Variants in ARNT observed in about 807,000 individuals in gnomAD.
The protein encoded by ARNT is aryl hydrocarbon receptor nuclear translocator, also known as class E basic helix-loop-helix protein 2.
A neutral mutation model predicts 105.0 loss-of-function variants in ARNT; 30 were observed. The ratio of observed to expected loss-of-function variants is 0.29; its 90% CI spans 0.21 to 0.39. The LOEUF is 0.39. Among genes scored for constraint, ARNT ranks in the 10% least tolerant of loss-of-function variants. ARNT has a pLI of 1.00. For missense variants in ARNT, 748 were observed against 978.7 expected (o/e 0.76, Z 3.15); for synonymous variants, 304 against 344.0 (o/e 0.88, Z 1.29).
chr1:150,847,875 C>T (rs1662537863), intron 3 of ARNT, among the ~76,000 whole-genome samples: 1 of 152,088 alleles, frequency 6.6e-6, no homozygotes, highest in East Asian at 1.9e-4. Context: ...TTTATGATGG[C>T]CAAGTCACGG....
chr1:150,831,508 T>C, intron 10 of ARNT: 1 of 248,572 alleles, frequency 4.0e-6, no homozygotes, highest in African/African-American at 2.3e-5. Context: ...ATTAACTGCA[T>C]TCAATGTCTA....
In ARNT at chr1:150,826,601, T is replaced by C. The variant is rs1244188089; in HGVS notation, c.1184A>G (p.Asn395Ser). The C allele has an allele frequency of 1.9e-6, 3 of 1,612,392 alleles. No homozygotes were observed. Among genetic ancestry groups the C allele is most frequent in the Admixed American group, 1.7e-5 (1 of 59,988 alleles). Residue 395 changes from asparagine to serine, a missense_variant, in exon 13 of 22, where the codon AAT (asparagine) becomes AGT (serine). This residue lies in a region of ARNT where 291 missense variants were observed against 444.6 expected (regional missense o/e 0.65). Transcript: ENST00000358595. ...GYQPQELLGKNIVEFCHPEDQ... is the reference protein window; with the variant it reads ...GYQPQELLGKSIVEFCHPEDQ... ...TTCAGGATGACAGAATTCTACAATA[T>C]TCTTTCCTAAGAGTTCCTAGAATAC...
intron 18 of ARNT, 42 bp from the exon 19 acceptor site, chr1:150,816,448 T>C (rs1187586875): frequency 6.3e-7 from 1 of 1,583,090 alleles, no homozygotes; most frequent in Admixed American, 1.9e-5. Context: ...AAGGATAGAT[T>C]TATCACAGAA....
chr1:150,852,911 G>A, intron 2 of ARNT, 105 bp from the exon 3 acceptor site: 4 of 1,364,232 alleles, frequency 2.9e-6, no homozygotes, highest in Non-Finnish European at 4.1e-6. Context: ...CCAAATGGAA[G>A]AATGGAAAGA....
At chr1:150,825,018 T>C (rs1400382596) in intron 13 of ARNT, among the ~76,000 whole-genome samples, 1 of 151,868 alleles carries the variant, frequency 6.6e-6, no homozygotes, top group Non-Finnish European at 1.5e-5. Context: ...TGAGCCACCA[T>C]ACCCGGCTAA....
intron 1 of ARNT, among the ~76,000 whole-genome samples, chr1:150,867,523 T>C (rs1221820314): frequency 6.6e-6 from 1 of 151,988 alleles, no homozygotes; most frequent in Non-Finnish European, 1.5e-5. Flanking sequence ...TGTCTCAACT[T>C]TAAAAGAAAA....
At chr1:150,816,511 GC>G in intron 18 of ARNT, 105 bp from the exon 19 acceptor site, 8 of 1,331,618 alleles carry the variant, frequency 6.0e-6, no homozygotes, top group Non-Finnish European at 8.0e-6. Context: ...TTGACTTCCT[GC>G]AGGTTAAGGA....
chr1:150,810,634 A>T lies in ARNT; in HGVS notation c.*1387T>A. On this transcript the variant is annotated 3_prime_UTR_variant, in exon 22 of 22. Transcript: ENST00000358595. ...TTAGCTACTGGCCAAAGCCAATTTA[A>T]AAAAAAAAAAAAAAAAGCTGGTATC... The T allele has an allele frequency of 6.4e-6, 1 of 156,066 alleles. No homozygotes were observed. Among genetic ancestry groups the T allele is most frequent in the Non-Finnish European group, 1.3e-5 (1 of 75,798 alleles). 9.7% of individuals were successfully genotyped at this position (156,066 alleles called of 1,614,324 possible). A position where few individuals can be genotyped will look rare whatever the true frequency, so the allele number is the denominator to read the frequency against.
chr1:150,819,166 A>C (rs1656556781), intron 14 of ARNT, among the ~76,000 whole-genome samples: 1 of 152,070 alleles, frequency 6.6e-6, no homozygotes, highest in Non-Finnish European at 1.5e-5. Context: ...ATTCTACAGA[A>C]AGAAAAGATT....
chr1:150,835,824 A>AAAC (rs886136970), intron 7 of ARNT, among the ~76,000 whole-genome samples: 21 of 148,244 alleles, frequency 1.4e-4, no homozygotes, highest in South Asian at 6.5e-4. Context: ...GTACAGATAC[A>AAAC]AACAACAACA....
At chr1:150,846,456 C>A in intron 3 of ARNT, 149 bp from the exon 4 acceptor site, 1 of 715,966 alleles carries the variant, frequency 1.4e-6, no homozygotes. Context: ...CAGCAGCACC[C>A]CATAGAACTT....
rs899076065 is a variant in ARNT at position 150,811,653 on chromosome 1, C to G, written c.*368G>C. 1 of 236,942 alleles carries G rather than the reference C, an allele frequency of 4.2e-6. No individual in the cohort carries two copies. The highest frequency in any genetic ancestry group is 5.6e-5 in the Admixed American group (1 of 17,870). 14.7% of individuals were successfully genotyped at this position (236,942 alleles called of 1,614,324 possible). A position where few individuals can be genotyped will look rare whatever the true frequency, so the allele number is the denominator to read the frequency against. ...CCTCCACTCTCTTCAGAATTTCTTT[C>G]CAAAAACAAGCCATACTATCCAAGG... On this transcript the variant is annotated 3_prime_UTR_variant, in exon 22 of 22. Coordinates refer to ENST00000358595, the MANE Select transcript of ARNT (RefSeq NM_001668.4).
chr1:150,831,948 C>T (rs1423610219), intron 9 of ARNT, 45 bp from the exon 10 acceptor site: 12 of 1,272,090 alleles, frequency 9.4e-6, no homozygotes, highest in Non-Finnish European at 1.3e-5. Context: ...AAAATCTACC[C>T]GTAAAACTCA....
At chr1:150,826,829 T>C (rs1244604473) in intron 12 of ARNT, among the ~76,000 whole-genome samples, 1 of 151,998 alleles carries the variant, frequency 6.6e-6, no homozygotes, top group Non-Finnish European at 1.5e-5. Flanking sequence ...TTTTTTTAAA[T>C]AGAGACAGGG....
chr1:150,852,580 G>A (rs1663829118), intron 3 of ARNT, among the ~76,000 whole-genome samples, 182 bp downstream of exon 3: 1 of 152,012 alleles, frequency 6.6e-6, no homozygotes, highest in Non-Finnish European at 1.5e-5. Flanking sequence ...TCCTCACTGA[G>A]GTCCTTTCTC....
In ARNT at chr1:150,856,700, T is replaced by C. The variant is rs192506126; in HGVS notation, c.137+1649A>G. On this transcript the variant is annotated intron_variant, in intron 2 of 21. Coordinates refer to ENST00000358595, the MANE Select transcript of ARNT (RefSeq NM_001668.4). ...ATCCCTTGAACCAGAGAGGTGGAGATTGCAGTGAGCCAAGATCACACCACT... is the reference window on the plus strand; with the variant it reads ...ATCCCTTGAACCAGAGAGGTGGAGACTGCAGTGAGCCAAGATCACACCACT... Among the ~76,000 whole-genome samples, 62 of 152,172 alleles carry C rather than the reference T, an allele frequency of 4.1e-4. 2 individuals are homozygous for C. The East Asian group carries it at 7.9e-3, about 19-fold the overall frequency.
rs587749605 is a variant in ARNT at position 150,848,396 on chromosome 1, C to A, written c.183-2089G>T. ...GCTTGAACTCAGGAGGCGGAGGACG[C>A]AATGAGCAGAGATCGAACCACTGCA... On this transcript the variant is annotated intron_variant, in intron 3 of 21. Coordinates refer to ENST00000358595, the MANE Select transcript of ARNT (RefSeq NM_001668.4). 2.6e-5 allele frequency among the ~76,000 whole-genome samples: 4 copies of A among 151,096 alleles called. No individual in the cohort carries two copies. The South Asian group carries it at 8.4e-4, about 32-fold the overall frequency.
At chr1:150,832,040 A>G in intron 9 of ARNT, 137 bp from the exon 10 acceptor site, 1 of 726,436 alleles carries the variant, frequency 1.4e-6, no homozygotes, top group Middle Eastern at 2.7e-4. Context: ...CCACCCAAAA[A>G]TGACCGCCAC....
In ARNT at chr1:150,826,621, G is replaced by A. The variant is rs1255496049; in HGVS notation, c.1168-4C>T. The A allele has an allele frequency of 5.0e-6, 8 of 1,601,226 alleles. No individual in the cohort carries two copies. Among genetic ancestry groups the A allele is most frequent in the Non-Finnish European group, 6.0e-6 (7 of 1,170,360 alleles). On this transcript the variant is annotated splice_region_variant and splice_polypyrimidine_tract_variant and intron_variant, in intron 12 of 21. Transcript: ENST00000358595. ...CAATATTCTTTCCTAAGAGTTCCTA[G>A]AATACAGAAAGAAGAGTAAGATATA...
Sources: gnomAD v4.1 joint callset for allele counts (sites outside exome capture counted in the v4.1 genomes callset) on GRCh38, gnomAD v4.1.1 for gene constraint, gnomAD v4.1.1 regional missense constraint, MANE v1.5 for transcripts, NCBI Gene and HGNC (gene_info 2026-07-23, HGNC 2026-07-21) for gene names.